Variants in SLC4A4 observed in about 807,000 individuals in gnomAD.
SLC4A4 encodes the protein electrogenic sodium bicarbonate cotransporter 1.
Under a neutral mutation model 111.5 loss-of-function variants are expected in SLC4A4, and 27 were observed. The ratio of observed to expected loss-of-function variants is 0.24; its 90% CI spans 0.18 to 0.33. The LOEUF (loss-of-function observed/expected upper bound fraction) is 0.33, where lower values mean the gene tolerates loss of function less well. Among genes scored for constraint, SLC4A4 ranks in the 10% least tolerant of loss-of-function variants. The pLI is 1.00. For missense variants in SLC4A4, 909 were observed against 1,315.5 expected (o/e 0.69, Z 4.78); for synonymous variants, 443 against 463.4 (o/e 0.96, Z 0.57).
chr4:71,109,169 A>G (rs898592312), intron 2 of SLC4A4, among the ~76,000 whole-genome samples: 2 of 151,648 alleles, frequency 1.3e-5, no homozygotes, highest in Non-Finnish European at 2.9e-5. Flanking sequence ...TGATTGCTGT[A>G]GGCTGTCTCT....
chr4:71,122,628 G>A (rs892989781), intron 2 of SLC4A4, among the ~76,000 whole-genome samples: 6 of 152,088 alleles, frequency 3.9e-5, no homozygotes, highest in African/African-American at 7.2e-5. Context: ...AAAACAGACT[G>A]ATTGTGTAAC....
intron 2 of SLC4A4, among the ~76,000 whole-genome samples, chr4:71,120,880 C>T (rs985061920): frequency 6.6e-6 from 1 of 152,344 alleles, no homozygotes; most frequent in East Asian, 1.9e-4. Flanking sequence ...CCTCTCTGGG[C>T]TGGTCGAGGC....
intron 9 of SLC4A4, 57 bp downstream of exon 9, chr4:71,447,790 G>A (rs1477411638): frequency 1.8e-6 from 2 of 1,082,454 alleles, no homozygotes; most frequent in Non-Finnish European, 2.9e-6. Flanking sequence ...TTGTCATACT[G>A]TGAATTGGCT....
At chr4:71,145,727 A>G (rs1392502187) in intron 2 of SLC4A4, among the ~76,000 whole-genome samples, 3 of 151,894 alleles carry the variant, frequency 2.0e-5, no homozygotes, top group Admixed American at 1.3e-4. Flanking sequence ...TTTCTAGTTT[A>G]TTTGCGTAGA....
intron 8 of SLC4A4, among the ~76,000 whole-genome samples, chr4:71,443,116 C>CTCTCTCTCTCTCTCTCTCTATA: frequency 1.5e-5 from 1 of 65,654 alleles, no homozygotes; most frequent in South Asian, 5.3e-4. Flanking sequence ...CTCTCTCTCT[C>CTCTCTCTCTCTCTCTCTCTATA]TATATATATA....
At chr4:71,120,173 T>C (rs1189595139) in intron 2 of SLC4A4, among the ~76,000 whole-genome samples, 1 of 152,198 alleles carries the variant, frequency 6.6e-6, no homozygotes, top group Admixed American at 6.5e-5. Flanking sequence ...GGATTGTTTA[T>C]ATTAAAAGTT....
At chr4:71,395,362 T>G (rs1216425799) in intron 6 of SLC4A4, among the ~76,000 whole-genome samples, 1 of 152,192 alleles carries the variant, frequency 6.6e-6, no homozygotes, top group African/African-American at 2.4e-5. Context: ...CTGTTAATAT[T>G]AATTACTTTT....
At chr4:71,088,461 T>A (rs555155764) in intron 1 of SLC4A4, among the ~76,000 whole-genome samples, 1 of 152,070 alleles carries the variant, frequency 6.6e-6, no homozygotes, top group Non-Finnish European at 1.5e-5. Flanking sequence ...TGTTAGCTGG[T>A]TATTTTGCTC....
At chr4:71,319,479 A>C (rs2148865136) in intron 3 of SLC4A4, among the ~76,000 whole-genome samples, 1 of 152,158 alleles carries the variant, frequency 6.6e-6, no homozygotes, top group Non-Finnish European at 1.5e-5. Context: ...AGTGCTCACT[A>C]CACATCTTTG....
chr4:71,246,525 C>G (rs1720666986), intron 2 of SLC4A4, among the ~76,000 whole-genome samples: 1 of 152,172 alleles, frequency 6.6e-6, no homozygotes, highest in Admixed American at 6.5e-5. Context: ...AGACATAAGA[C>G]TGGCTGCAGC....
chr4:71,489,377 G>A (rs1173929665), intron 15 of SLC4A4, among the ~76,000 whole-genome samples: 1 of 151,728 alleles, frequency 6.6e-6, no homozygotes, highest in Non-Finnish European at 1.5e-5. Flanking sequence ...AGACTGCCTG[G>A]TTCAAGTGCA....
At chr4:71,436,961 T>C in intron 7 of SLC4A4, 3 of 326,850 alleles carry the variant, frequency 9.2e-6, no homozygotes, top group Non-Finnish European at 1.2e-5. Flanking sequence ...ATGTTTACTG[T>C]TGTTTTCTAT....
intron 3 of SLC4A4, among the ~76,000 whole-genome samples, chr4:71,281,530 T>A (rs540805926): frequency 3.3e-5 from 5 of 152,330 alleles, no homozygotes; most frequent in African/African-American, 1.2e-4. Context: ...CTGAAATCTC[T>A]TCTAGGTTTA....
intron 2 of SLC4A4, among the ~76,000 whole-genome samples, chr4:71,171,522 T>C (rs1553958715): frequency 6.6e-6 from 1 of 152,234 alleles, no homozygotes; most frequent in Non-Finnish European, 1.5e-5. Context: ...CTAGTTTCCA[T>C]GGGAATTAGG....
At chr4:71,449,561 T>C (rs1289484360) in intron 9 of SLC4A4, among the ~76,000 whole-genome samples, 1 of 152,214 alleles carries the variant, frequency 6.6e-6, no homozygotes, top group East Asian at 1.9e-4. Flanking sequence ...CTTTTAAAAA[T>C]TCTTTTCCTA....
chr4:71,138,763 G>A (rs1403386128), intron 2 of SLC4A4, among the ~76,000 whole-genome samples: 5 of 152,222 alleles, frequency 3.3e-5, no homozygotes, highest in South Asian at 2.1e-4. Flanking sequence ...TTGGCCGGGC[G>A]CGGTGGCTCA....
chr4:71,520,069 A>G (rs1156547895), intron 16 of SLC4A4, among the ~76,000 whole-genome samples: 4 of 152,216 alleles, frequency 2.6e-5, no homozygotes, highest in African/African-American at 7.2e-5. Flanking sequence ...ATATTCTTAA[A>G]TAGTGTTTTA....
At chr4:71,505,996 G>A (rs1436134706) in intron 16 of SLC4A4, among the ~76,000 whole-genome samples, 1 of 152,096 alleles carries the variant, frequency 6.6e-6, no homozygotes, top group African/African-American at 2.4e-5. Flanking sequence ...AGATCAGATG[G>A]TTGTAGGTGT....
rs58241373 is a variant in SLC4A4, at chr4:71,503,508, G to A, written c.2166+5816G>A. Among the ~76,000 whole-genome samples, 1,289 of 152,018 alleles carry A rather than the reference G, an allele frequency of 8.5e-3. 20 individuals are homozygous for A. Among genetic ancestry groups the A allele is most frequent in the African/African-American group, 0.028 (1,175 of 41,476 alleles). ...GGTTGCCATGGGGCTAACATAATGA[G>A]TCTTGTAATTATAATACTCTATTTT... On this transcript the variant is annotated intron_variant, in intron 16 of 25. Transcript: ENST00000264485.
Sources: allele counts gnomAD v4.1 joint callset (sites outside exome capture counted in the v4.1 genomes callset), GRCh38; gene constraint gnomAD v4.1.1; transcripts MANE v1.5; gene names NCBI Gene and HGNC (gene_info 2026-07-23, HGNC 2026-07-21).